Variants in CFAP299 observed in about 807,000 individuals in gnomAD.
CFAP299 encodes the protein cilia- and flagella-associated protein 299.
In CFAP299, 21 loss-of-function variants were observed where a neutral mutation model predicts 27.0. That is an observed-to-expected ratio of 0.78 (90% CI 0.55 to 1.12). The LOEUF (loss-of-function observed/expected upper bound fraction) is 1.12. Among genes scored for constraint, CFAP299 ranks in the 50% most tolerant of loss-of-function variants. The probability of loss-of-function intolerance (pLI) is 0.00; values close to 1 mark genes in which losing one functional copy is unlikely to be tolerated. For missense variants in CFAP299, 310 were observed against 276.6 expected (o/e 1.12, Z -0.86); for synonymous variants, 104 against 98.1 (o/e 1.06, Z -0.36).
At chr4:80,417,287 C>T (rs144498836) in intron 2 of CFAP299, among the ~76,000 whole-genome samples, 41 of 152,242 alleles carry the variant, frequency 2.7e-4, no homozygotes, top group African/African-American at 9.1e-4. Context: ...TGGGTTTTAG[C>T]GGACTTCTTT....
intron 3 of CFAP299, among the ~76,000 whole-genome samples, chr4:80,830,555 C>T (rs1440058080): frequency 2.0e-5 from 3 of 152,054 alleles, no homozygotes; most frequent in East Asian, 1.9e-4. Flanking sequence ...TTCTAGGCTT[C>T]GGCAGGGACC....
intron 2 of CFAP299, among the ~76,000 whole-genome samples, chr4:80,459,025 G>A (rs910174625): frequency 2.0e-5 from 3 of 151,368 alleles, no homozygotes; most frequent in South Asian, 2.1e-4. Context: ...CTATCATTCC[G>A]GCTGGAGTGC....
intron 3 of CFAP299, among the ~76,000 whole-genome samples, chr4:80,732,426 A>T (rs1723590083): frequency 6.6e-6 from 1 of 152,174 alleles, no homozygotes; most frequent in African/African-American, 2.4e-5. Flanking sequence ...GTGCTGTCTC[A>T]TACAAGGGTT....
chr4:80,491,719 A>G (rs1731146664), intron 2 of CFAP299, among the ~76,000 whole-genome samples: 2 of 152,182 alleles, frequency 1.3e-5, no homozygotes, highest in African/African-American at 2.4e-5. Context: ...AACCATATAT[A>G]TCATGATTTA....
chr4:80,824,260 G>T (rs1289181024), intron 3 of CFAP299, among the ~76,000 whole-genome samples: 1 of 152,108 alleles, frequency 6.6e-6, no homozygotes, highest in Non-Finnish European at 1.5e-5. Context: ...GTTAATTGTA[G>T]TAAATTTTAG....
intron 2 of CFAP299, among the ~76,000 whole-genome samples, chr4:80,517,660 G>A (rs1367010243): frequency 1.3e-5 from 2 of 152,188 alleles, no homozygotes; most frequent in Non-Finnish European, 2.9e-5. Context: ...GGACCTAGAA[G>A]TATTCCTAGA....
intron 2 of CFAP299, among the ~76,000 whole-genome samples, chr4:80,432,841 A>G (rs557556114): frequency 1.3e-5 from 2 of 152,236 alleles, no homozygotes; most frequent in African/African-American, 4.8e-5. Context: ...TTTTTTATAT[A>G]CTTTCTGTGC....
intron 3 of CFAP299, among the ~76,000 whole-genome samples, chr4:80,862,907 G>C (rs1376296342): frequency 1.3e-5 from 2 of 152,144 alleles, no homozygotes; most frequent in South Asian, 2.1e-4. Context: ...GATTTATAAT[G>C]ATGGGCATTT....
At chr4:80,922,219 G>C (rs370568364) in intron 4 of CFAP299, among the ~76,000 whole-genome samples, 23 of 152,088 alleles carry the variant, frequency 1.5e-4, no homozygotes, top group African/African-American at 5.5e-4. Flanking sequence ...CTTTTTATAG[G>C]AGTGGTGACT....
At chr4:80,567,070 G>A (rs1373287370) in intron 2 of CFAP299, among the ~76,000 whole-genome samples, 2 of 151,872 alleles carry the variant, frequency 1.3e-5, no homozygotes, top group Admixed American at 6.6e-5. Flanking sequence ...TCTGACTGAT[G>A]TAAGACACTG....
chr4:80,401,981 C>G lies in CFAP299; in HGVS notation c.242+39097C>G, dbSNP rs890726854. On this transcript the variant is annotated intron_variant, in intron 2 of 5. Transcript: ENST00000358105. The stretch of plus-strand genomic sequence containing the variant: ...TTTGGACCTTTAAAATTTGACTGCC[C>G]CACTGGATTTTGGATTTGCACGGGC... Among the ~76,000 whole-genome samples the G allele has an allele frequency of 2.6e-5, 4 of 152,098 alleles. No individual in the cohort carries two copies. The South Asian group carries it at 6.2e-4, about 24-fold the overall frequency.
intron 2 of CFAP299, among the ~76,000 whole-genome samples, chr4:80,567,561 ATCGGAT>A (rs1735365100): frequency 6.6e-6 from 1 of 151,958 alleles, no homozygotes; most frequent in African/African-American, 2.4e-5. Flanking sequence ...AAAAGCACAT[ATCGGAT>A]TTAGCTCTAC....
chr4:80,355,309 T>G (rs1723214938), intron 1 of CFAP299, among the ~76,000 whole-genome samples: 1 of 152,040 alleles, frequency 6.6e-6, no homozygotes, highest in Non-Finnish European at 1.5e-5. Flanking sequence ...AATGTGATTG[T>G]TGGTCACATG....
At chr4:80,669,181 G>T in intron 3 of CFAP299, among the ~76,000 whole-genome samples, 2 of 26,766 alleles carry the variant, frequency 7.5e-5, no homozygotes, top group African/African-American at 1.8e-4. Context: ...TTTTTTTTGA[G>T]ACTAAGTCTT....
At chr4:80,475,436 C>T (rs976023577) in intron 2 of CFAP299, among the ~76,000 whole-genome samples, 2 of 152,150 alleles carry the variant, frequency 1.3e-5, no homozygotes, top group Non-Finnish European at 2.9e-5. Flanking sequence ...AGTGGCAGGA[C>T]ATACTGATGG....
intron 4 of CFAP299, among the ~76,000 whole-genome samples, chr4:80,897,901 G>A (rs546352242): frequency 1.4e-4 from 22 of 152,300 alleles, no homozygotes; most frequent in Non-Finnish European, 2.8e-4. Context: ...CAACAGGGGT[G>A]CCTCAGTTAC....
intron 3 of CFAP299, among the ~76,000 whole-genome samples, chr4:80,626,541 G>T (rs1230916780): frequency 6.6e-6 from 1 of 151,296 alleles, no homozygotes; most frequent in African/African-American, 2.4e-5. Flanking sequence ...AATCAGGACA[G>T]AAATAAAATA....
intron 2 of CFAP299, among the ~76,000 whole-genome samples, chr4:80,436,642 C>G (rs981277125): frequency 1.4e-4 from 22 of 152,262 alleles, no homozygotes; most frequent in Middle Eastern, 3.4e-3. Context: ...GCCTTTCTGC[C>G]TCCCTTTCTC....
intron 3 of CFAP299, among the ~76,000 whole-genome samples, chr4:80,840,645 T>C (rs994841984): frequency 1.3e-5 from 2 of 152,092 alleles, no homozygotes; most frequent in East Asian, 1.9e-4. Flanking sequence ...TTGATTTTTT[T>C]CCCCTAGCAT....
Sources: gnomAD v4.1 joint callset for allele counts (sites outside exome capture counted in the v4.1 genomes callset) on GRCh38, gnomAD v4.1.1 for gene constraint, MANE v1.5 for transcripts, NCBI Gene and HGNC (gene_info 2026-07-23, HGNC 2026-07-21) for gene names.